IL1RAPL2: variants seen among roughly 807,000 people sequenced by gnomAD.
The protein encoded by IL1RAPL2 is interleukin 1 receptor accessory protein like 2.
Under a neutral mutation model 44.1 loss-of-function variants are expected in IL1RAPL2, and 3 were observed. The observed-to-expected ratio is 0.07, with a 90% CI of 0.03 to 0.18. The LOEUF is 0.18. IL1RAPL2 is among the 10% of genes least tolerant of loss of function. The pLI is 1.00. For missense variants in IL1RAPL2, 391 were observed against 496.4 expected, an observed-to-expected ratio of 0.79 and a Z score of 2.02; for synonymous variants, 181 against 178.8, an observed-to-expected ratio of 1.01 and a Z score of -0.10.
chrX:105,091,755 T>C (rs944622626), intron 2 of IL1RAPL2, among the ~76,000 whole-genome samples: 2 of 112,119 alleles, frequency 1.8e-5, no homozygotes, highest in African/African-American at 6.5e-5. Context: ...GTGAGCCCCA[T>C]GAGTGCTAGA....
At chrX:105,459,353 AT>A (rs2036078173) in intron 5 of IL1RAPL2, among the ~76,000 whole-genome samples, 1 of 111,364 alleles carries the variant, frequency 9.0e-6, no homozygotes, top group African/African-American at 3.3e-5. Context: ...ATATGTACAC[AT>A]TTTTTATTGT....
intron 2 of IL1RAPL2, among the ~76,000 whole-genome samples, chrX:104,842,153 A>T (rs143525048): frequency 9.3e-6 from 1 of 108,016 alleles, no homozygotes; most frequent in Non-Finnish European, 1.9e-5. Flanking sequence ...TCAATCTCTG[A>T]TATCTTTTCT....
chrX:105,080,274 T>C (rs188724068), intron 2 of IL1RAPL2, among the ~76,000 whole-genome samples: 1 of 112,246 alleles, frequency 8.9e-6, no homozygotes, highest in East Asian at 2.8e-4. Flanking sequence ...ATTTGGTCTT[T>C]TAGTCATAAA....
chrX:105,159,174 A>G (rs73245758), intron 2 of IL1RAPL2, among the ~76,000 whole-genome samples: 2,056 of 112,847 alleles, frequency 0.018, 34 homozygotes, highest in Non-Finnish European at 0.03. Flanking sequence ...TAAACAGCTT[A>G]CTCAAGTTGT....
At chrX:105,612,092 G>T (rs1457379139) in intron 6 of IL1RAPL2, among the ~76,000 whole-genome samples, 1 of 110,170 alleles carries the variant, frequency 9.1e-6, no homozygotes, top group African/African-American at 3.3e-5. Flanking sequence ...ATTGTTTTTT[G>T]TTTGTTTGTT....
At chrX:105,574,666 T>G (rs1234269793) in intron 6 of IL1RAPL2, among the ~76,000 whole-genome samples, 1 of 111,981 alleles carries the variant, frequency 8.9e-6, no homozygotes, top group African/African-American at 3.2e-5. Flanking sequence ...AGATAGCAAG[T>G]GGTTTTGTGG....
Position 104,947,688 on chromosome X carries a change from T to G in IL1RAPL2, c.83-247787T>G, listed in dbSNP as rs199653429. Among the ~76,000 whole-genome samples the G allele has an allele frequency of 7.2e-5, 8 of 110,978 alleles. No individual in the cohort carries two copies. The East Asian group carries it at 8.5e-4, about 12-fold the overall frequency. ...TTAAATAGGGAATCCTTTCCCCATT[T>G]CTTGTTTTTGTCAGGTTTGTCAAAG... On this transcript the variant is annotated intron_variant, in intron 2 of 10. Transcript: ENST00000372582.
intron 5 of IL1RAPL2, among the ~76,000 whole-genome samples, chrX:105,310,653 T>C (rs927657166): frequency 8.9e-6 from 1 of 111,930 alleles, no homozygotes; most frequent in Non-Finnish European, 1.9e-5. Flanking sequence ...TGTGCTGTAT[T>C]TTCATCATTA....
At chrX:104,604,748 A>T (rs1255278664) in intron 1 of IL1RAPL2, among the ~76,000 whole-genome samples, 1 of 110,225 alleles carries the variant, frequency 9.1e-6, no homozygotes, top group Non-Finnish European at 1.9e-5. Context: ...TGGTAAAGGG[A>T]TCAATGCAGC....
intron 2 of IL1RAPL2, among the ~76,000 whole-genome samples, chrX:105,098,955 A>G (rs189198328): frequency 1.4e-4 from 16 of 112,555 alleles, no homozygotes; most frequent in African/African-American, 3.5e-4. Flanking sequence ...AGGCATACCT[A>G]CATGTATAGG....
intron 1 of IL1RAPL2, among the ~76,000 whole-genome samples, chrX:104,593,932 A>AT (rs976718188): frequency 8.9e-6 from 1 of 111,890 alleles, no homozygotes; most frequent in Non-Finnish European, 1.9e-5. Flanking sequence ...TATCTTTGTG[A>AT]TTTTTTCACA....
intron 6 of IL1RAPL2, among the ~76,000 whole-genome samples, chrX:105,536,199 C>T (rs1253389715): frequency 9.1e-6 from 1 of 110,320 alleles, no homozygotes; most frequent in East Asian, 2.8e-4. Context: ...GTGAATATAA[C>T]TTCAGACCTC....
intron 1 of IL1RAPL2, chrX:104,648,030 G>A (rs770225602): frequency 5.6e-6 from 3 of 540,357 alleles, no homozygotes; most frequent in African/African-American, 4.6e-5. Flanking sequence ...TCTCACACCT[G>A]CTTCCACTCT....
intron 1 of IL1RAPL2, among the ~76,000 whole-genome samples, chrX:104,648,313 A>G (rs1439083554): frequency 8.9e-6 from 1 of 112,025 alleles, no homozygotes; most frequent in East Asian, 2.8e-4. Flanking sequence ...TCACCATCAC[A>G]ATGCATACTG....
intron 6 of IL1RAPL2, among the ~76,000 whole-genome samples, chrX:105,570,775 G>T (rs113998969): frequency 9.0e-6 from 1 of 111,677 alleles, no homozygotes; most frequent in African/African-American, 3.3e-5. Context: ...GTTTGCATCA[G>T]AAAGGAAGAT....
At chrX:105,278,171 A>C (rs1219511013) in intron 5 of IL1RAPL2, among the ~76,000 whole-genome samples, 1 of 112,017 alleles carries the variant, frequency 8.9e-6, no homozygotes, top group Non-Finnish European at 1.9e-5. Flanking sequence ...TTTGCAAGCA[A>C]CTGTGCAGGA....
rs1556002120 is a variant in IL1RAPL2 at position 104,855,681 on chromosome X, G to GTTTTTTTT, written c.82+196696_82+196703dup. 7.2e-4 allele frequency among the ~76,000 whole-genome samples: 39 copies of GTTTTTTTT among 53,864 alleles called. 1 individual carries two copies. Among genetic ancestry groups the GTTTTTTTT allele is most frequent in the African/African-American group, 2.1e-3 (35 of 16,526 alleles). 46.8% of individuals were successfully genotyped at this position (53,864 alleles called of 115,157 possible). On this transcript the variant is annotated intron_variant, in intron 2 of 10. Coordinates refer to ENST00000372582, the MANE Select transcript of IL1RAPL2 (RefSeq NM_017416.2). ...TTAACTGTGCTAAGGATCTGGATCC[G>GTTTTTTTT]TTTTTTTTTTTTTTTTTACTGTATC...
At chrX:105,292,591 C>G (rs2034622009) in intron 5 of IL1RAPL2, among the ~76,000 whole-genome samples, 1 of 111,792 alleles carries the variant, frequency 8.9e-6, no homozygotes, top group Non-Finnish European at 1.9e-5. Flanking sequence ...AGGCATTAAA[C>G]AGATTTTCAA....
At chrX:105,489,730 T>C (rs867362393) in intron 6 of IL1RAPL2, among the ~76,000 whole-genome samples, 12 of 100,395 alleles carry the variant, frequency 1.2e-4, no homozygotes, top group Non-Finnish European at 2.2e-4. Flanking sequence ...CCTTCTTTCT[T>C]TCTCTCTCTC....
Sources: gnomAD v4.1 joint callset for allele counts (sites outside exome capture counted in the v4.1 genomes callset) on GRCh38, gnomAD v4.1.1 for gene constraint, MANE v1.5 for transcripts, NCBI Gene and HGNC (gene_info 2026-07-23, HGNC 2026-07-21) for gene names.